NDUFA10: variants seen among roughly 807,000 people sequenced by gnomAD.
The protein encoded by NDUFA10 is NADH:ubiquinone oxidoreductase subunit A10, also known as NADH dehydrogenase [ubiquinone] 1 alpha subcomplex subunit 10, mitochondrial.
In NDUFA10, 40 loss-of-function variants were observed where a neutral mutation model predicts 47.8. The observed-to-expected ratio is 0.84, with a 90% CI of 0.65 to 1.09. The LOEUF (loss-of-function observed/expected upper bound fraction) is 1.09, where lower values mean the gene tolerates loss of function less well. Ranked by LOEUF, NDUFA10 falls within the 50% of genes least tolerant of loss-of-function variation. The pLI, the probability that NDUFA10 is intolerant of heterozygous loss-of-function variation, is 0.00. For synonymous variants in NDUFA10, 183 were observed against 172.2 expected (o/e 1.06, Z -0.49); for missense variants, 413 against 451.1 (o/e 0.92, Z 0.76).
chr2:239,937,200 T>A (rs1292700142), intron 4 of NDUFA10, among the ~76,000 whole-genome samples: 2 of 152,214 alleles, frequency 1.3e-5, no homozygotes, highest in African/African-American at 4.8e-5. Flanking sequence ...CATCAGTTTT[T>A]AAAAGCAACA....
intron 8 of NDUFA10, among the ~76,000 whole-genome samples, chr2:240,002,151 G>A (rs9751182): frequency 0.012 from 1,750 of 152,032 alleles, 31 homozygotes; most frequent in African/African-American, 0.038. Flanking sequence ...CCAACATGGC[G>A]AAACCCTGTC....
intron 4 of NDUFA10, among the ~76,000 whole-genome samples, chr2:239,942,811 T>C (rs570045711): frequency 6.6e-6 from 1 of 152,262 alleles, no homozygotes; most frequent in Admixed American, 6.5e-5. Flanking sequence ...TCATATGTTT[T>C]AACACAGCAC....
intron 5 of NDUFA10, chr2:240,014,464 A>G (rs1473574438): frequency 2.1e-6 from 1 of 476,266 alleles, no homozygotes; most frequent in Admixed American, 3.3e-5. Flanking sequence ...GGCCCTCACC[A>G]GCCTCCCAAG....
rs77882241 is a variant in NDUFA10, at chr2:239,965,885, C to T, written c.1000-4699G>A. Among the ~76,000 whole-genome samples the T allele has an allele frequency of 1.5e-4, 23 of 152,284 alleles. No homozygotes were observed. The East Asian group carries it at 4.1e-3, about 27-fold the overall frequency. On this transcript the variant is annotated intron_variant, in intron 9 of 9. Coordinates refer to ENST00000252711, the MANE Select transcript of NDUFA10 (RefSeq NM_004544.4). The stretch of plus-strand genomic sequence containing the variant: ...TGTACAATGCGAACGGAGTTTCCCT[C>T]GCTGGATCTCTAAATTCAAGGCATT...
At chr2:239,974,847 A>G (rs1389085676) in intron 9 of NDUFA10, among the ~76,000 whole-genome samples, 3 of 147,620 alleles carry the variant, frequency 2.0e-5, no homozygotes, top group Non-Finnish European at 4.5e-5. Flanking sequence ...ACACTCTGCC[A>G]CCAAAGAGCT....
At chr2:239,947,941 C>CT (rs971175263) in intron 4 of NDUFA10, among the ~76,000 whole-genome samples, 1 of 152,148 alleles carries the variant, frequency 6.6e-6, no homozygotes, top group Non-Finnish European at 1.5e-5. Context: ...AGCGTGGGCA[C>CT]TGGGTGAACA....
rs539416355 is a variant in NDUFA10 at position 239,977,690 on chromosome 2, G to A, written c.999+12384C>T. Among the ~76,000 whole-genome samples, 110 of 152,342 alleles carry A rather than the reference G, an allele frequency of 7.2e-4. 3 individuals are homozygous for A. The highest frequency in any genetic ancestry group is 2.5e-3 in the African/African-American group (103 of 41,574). Reference sequence around the variant, plus strand: ...ACTGCTGCTTTCACGCTAGGAGAACGTAAATATGACACATCAAATGGCTGT... The same window carrying A: ...ACTGCTGCTTTCACGCTAGGAGAACATAAATATGACACATCAAATGGCTGT... On this transcript the variant is annotated intron_variant, in intron 9 of 9. Coordinates refer to ENST00000252711, the MANE Select transcript of NDUFA10 (RefSeq NM_004544.4).
chr2:240,020,383 A>G (rs924861327), intron 3 of NDUFA10, among the ~76,000 whole-genome samples: 2 of 152,196 alleles, frequency 1.3e-5, no homozygotes, highest in Non-Finnish European at 2.9e-5. Context: ...ATTTGCTGCT[A>G]CCTGTGAACT....
chr2:240,005,860 T>A (rs760331411), intron 7 of NDUFA10, among the ~76,000 whole-genome samples: 26 of 152,080 alleles, frequency 1.7e-4, no homozygotes, highest in Non-Finnish European at 3.1e-4. Context: ...AAAGGACAGG[T>A]GAGAACAATG....
rs1694730016 is a variant in NDUFA10 at position 239,958,748 on chromosome 2, AC to A, written c.*2369del. The A allele has an allele frequency of 5.1e-6, 1 of 195,896 alleles. No individual in the cohort carries two copies. The highest frequency in any genetic ancestry group is 1.8e-4 in the South Asian group (1 of 5,666). The allele number at this position is 195,896 out of a possible 1,614,324, so 12.1% of individuals were successfully genotyped here. On this transcript the variant is annotated 3_prime_UTR_variant, in exon 10 of 10. Transcript: ENST00000252711. The stretch of plus-strand genomic sequence containing the variant: ...TTAACAGTTGATGGAACAGAAAGAT[AC>A]GTTAGAAAAAAACAAGGACTTTCTT...
chr2:240,006,183 G>A (rs1489195782), intron 7 of NDUFA10, among the ~76,000 whole-genome samples: 2 of 152,092 alleles, frequency 1.3e-5, no homozygotes, highest in East Asian at 1.9e-4. Flanking sequence ...GAGACAAAAC[G>A]TATTATTCTT....
At chr2:240,018,679 G>C in intron 3 of NDUFA10, 40 bp from the exon 4 acceptor site, 1 of 1,601,596 alleles carries the variant, frequency 6.2e-7, no homozygotes, top group Non-Finnish European at 8.6e-7. Flanking sequence ...AAATCAGACA[G>C]ATAGCAAAGC....
intron 1 of NDUFA10, 151 bp from the exon 2 acceptor site, chr2:240,022,491 T>C: frequency 8.1e-7 from 1 of 1,228,484 alleles, no homozygotes; most frequent in Non-Finnish European, 1.1e-6. Context: ...TTTAATTATC[T>C]GTCTATCCCC....
At chr2:239,895,085 G>A (rs1216719941) in intron 5 of NDUFA10, 4 of 260,418 alleles carry the variant, frequency 1.5e-5, no homozygotes, top group South Asian at 1.0e-4. Context: ...TCAGTGCCCT[G>A]TAGAGAAGAA....
In NDUFA10 at chr2:240,019,110, T is replaced by C. The variant is rs957971526; in HGVS notation, c.461-471A>G. Among the ~76,000 whole-genome samples, 7 of 152,264 alleles carry C rather than the reference T, an allele frequency of 4.6e-5. No individual in the cohort carries two copies. In the South Asian group the frequency reaches 1.0e-3, roughly 23 times the overall value. On this transcript the variant is annotated intron_variant, in intron 3 of 9. Coordinates refer to ENST00000252711, the MANE Select transcript of NDUFA10 (RefSeq NM_004544.4). ...TCCCCAGGGTCCCCAGCCAGCCTCC[T>C]TGCAGTCAGCCCTGCTGTGTCTGGG... is the stretch of plus-strand genomic sequence containing the variant.
At position 239,942,245 on chromosome 2, in the gene NDUFA10, C is replaced by T. The variant is rs542262722; in HGVS notation, c.295-46931G>A. Among the ~76,000 whole-genome samples, 5 of 152,376 alleles carry T rather than the reference C, an allele frequency of 3.3e-5. No individual in the cohort carries two copies. In the East Asian group the frequency reaches 5.8e-4, roughly 18 times the overall value. On this transcript the variant is annotated intron_variant, in intron 4 of 5. Coordinates refer to the NDUFA10 transcript ENST00000419408. ...CTTTCCTCTAGGGCAGCGGTGTTCACGCGGTAGTGTGCGCTGCAATCACCT... is the reference window on the plus strand; with the variant it reads ...CTTTCCTCTAGGGCAGCGGTGTTCATGCGGTAGTGTGCGCTGCAATCACCT...
intron 9 of NDUFA10, among the ~76,000 whole-genome samples, chr2:239,980,739 A>C (rs1695739225): frequency 6.6e-6 from 1 of 152,236 alleles, no homozygotes; most frequent in Non-Finnish European, 1.5e-5. Context: ...AGGGCTAAGA[A>C]GGAAGAGTGA....
chr2:239,970,324 T>C (rs890435508), intron 9 of NDUFA10, among the ~76,000 whole-genome samples: 5 of 151,950 alleles, frequency 3.3e-5, no homozygotes, highest in African/African-American at 1.2e-4. Flanking sequence ...CAAAATGAAG[T>C]TGAACTATAT....
intron 9 of NDUFA10, among the ~76,000 whole-genome samples, chr2:239,980,617 G>T (rs1695733868): frequency 6.6e-6 from 1 of 152,176 alleles, no homozygotes; most frequent in Non-Finnish European, 1.5e-5. Context: ...AAAAATAGGG[G>T]AGCCTTCCAT....
Sources: allele counts gnomAD v4.1 joint callset (sites outside exome capture counted in the v4.1 genomes callset), GRCh38; gene constraint gnomAD v4.1.1; transcripts MANE v1.5; gene names NCBI Gene and HGNC (gene_info 2026-07-23, HGNC 2026-07-21).